The following LHFPL3 variants were observed in gnomAD, a reference collection of about 807,000 sequenced individuals.
The protein encoded by LHFPL3 is LHFPL tetraspan subfamily member 3, also known as LHFPL tetraspan subfamily member 3 protein.
LHFPL3 carries 5 observed loss-of-function variants against 19.3 expected under a neutral mutation model. The ratio of observed to expected loss-of-function variants is 0.26; its 90% CI spans 0.14 to 0.54. LHFPL3 has a LOEUF of 0.54. LHFPL3 is among the 20% of genes least tolerant of loss of function. The pLI, the probability that LHFPL3 is intolerant of heterozygous loss-of-function variation, is 0.94. For missense variants in LHFPL3, 249 were observed against 307.4 expected (o/e 0.81, Z 1.42); for synonymous variants, 133 against 126.2 (o/e 1.05, Z -0.36).
intron 1 of LHFPL3, among the ~76,000 whole-genome samples, chr7:104,736,392 C>T (rs1230719419): frequency 6.6e-6 from 1 of 152,062 alleles, no homozygotes; most frequent in Non-Finnish European, 1.5e-5. Context: ...TTTTCTTAAC[C>T]TCTTTCGGGA....
At chr7:104,553,153 A>G (rs75985007) in intron 1 of LHFPL3, among the ~76,000 whole-genome samples, 6,772 of 152,128 alleles carry the variant, frequency 0.045, 462 homozygotes, top group African/African-American at 0.15. Flanking sequence ...TGTTATTTTG[A>G]TCTTGAATCT....
chr7:104,393,871 C>A (rs575288168), intron 1 of LHFPL3, among the ~76,000 whole-genome samples: 4 of 152,034 alleles, frequency 2.6e-5, no homozygotes, highest in Admixed American at 2.6e-4. Flanking sequence ...TGGTATGATT[C>A]CATGTGTATG....
At chr7:104,720,941 G>A (rs914675255) in intron 1 of LHFPL3, among the ~76,000 whole-genome samples, 2 of 152,196 alleles carry the variant, frequency 1.3e-5, no homozygotes, top group Non-Finnish European at 2.9e-5. Context: ...CTGTTGGTGG[G>A]AGTGTAAATT....
chr7:104,669,357 A>G lies in LHFPL3; in HGVS notation c.446-67318A>G. 3.7e-6 allele frequency: 6 copies of G among 1,613,648 alleles called. No homozygotes were observed. In the South Asian group the frequency reaches 4.4e-5, roughly 12 times the overall value. On this transcript the variant is annotated intron_variant, in intron 1 of 2. Transcript: ENST00000424859. ...ATGGGATGAATGTCCCAAAAGGCCA[A>G]ACTGGGAACTCTAGCCGTGGTCCAG...
chr7:104,455,663 G>A (rs1309949754), intron 1 of LHFPL3, among the ~76,000 whole-genome samples: 1 of 152,198 alleles, frequency 6.6e-6, no homozygotes, highest in Non-Finnish European at 1.5e-5. Flanking sequence ...TGAGGTTGCA[G>A]TGAGCCAAGA....
At chr7:104,402,221 A>AACAAAAGT (rs1791327622) in intron 1 of LHFPL3, among the ~76,000 whole-genome samples, 1 of 152,242 alleles carries the variant, frequency 6.6e-6, no homozygotes. Context: ...AAACACATAA[A>AACAAAAGT]ACAAAAGTAT....
At chr7:104,782,363 C>T (rs571699220) in intron 2 of LHFPL3, among the ~76,000 whole-genome samples, 98 of 152,326 alleles carry the variant, frequency 6.4e-4, no homozygotes, top group African/African-American at 2.1e-3. Flanking sequence ...TCATTACTTC[C>T]GCCTTATTCC....
chr7:104,840,796 AC>A (rs1249375621), intron 2 of LHFPL3, among the ~76,000 whole-genome samples: 1 of 152,146 alleles, frequency 6.6e-6, no homozygotes, highest in Non-Finnish European at 1.5e-5. Flanking sequence ...AGTGAAAATC[AC>A]CCAAATAAAA....
intron 1 of LHFPL3, among the ~76,000 whole-genome samples, chr7:104,693,817 G>A (rs1234153590): frequency 6.8e-6 from 1 of 146,316 alleles, no homozygotes; most frequent in Non-Finnish European, 1.5e-5. Context: ...ATTTTTAGTA[G>A]AGATGGGGTT....
intron 2 of LHFPL3, among the ~76,000 whole-genome samples, chr7:104,861,595 C>T (rs555811802): frequency 4.6e-5 from 7 of 152,150 alleles, no homozygotes; most frequent in Non-Finnish European, 1.0e-4. Flanking sequence ...GCTGTCTGTA[C>T]CTGTGGCTAG....
intron 2 of LHFPL3, among the ~76,000 whole-genome samples, chr7:104,865,020 T>A (rs2116645015): frequency 6.6e-6 from 1 of 150,732 alleles, no homozygotes; most frequent in Non-Finnish European, 1.5e-5. Context: ...GGGTCCTGAC[T>A]GTTAGAAGGA....
rs568171143 is a variant in LHFPL3, at chr7:104,357,283, C to CT, written c.445+28062dup. On this transcript the variant is annotated intron_variant, in intron 1 of 2. Coordinates refer to ENST00000424859, the MANE Select transcript of LHFPL3 (RefSeq NM_199000.3). ...GATTATTCTCAGAGCTAGAGATCAC[C>CT]TTTGCTTCCTTGACAAGTCACGTGC... 9.9e-5 allele frequency among the ~76,000 whole-genome samples: 15 copies of CT among 152,280 alleles called. No individual in the cohort carries two copies. The South Asian group carries it at 2.3e-3, about 23-fold the overall frequency.
intron 1 of LHFPL3, among the ~76,000 whole-genome samples, chr7:104,617,651 AAAT>A (rs1206256444): frequency 6.6e-6 from 1 of 152,238 alleles, no homozygotes; most frequent in Non-Finnish European, 1.5e-5. Context: ...AGTTGTCAAC[AAAT>A]AATTAGATGC....
chr7:104,760,050 A>G (rs1794347951), intron 2 of LHFPL3, among the ~76,000 whole-genome samples: 1 of 152,154 alleles, frequency 6.6e-6, no homozygotes, highest in Non-Finnish European at 1.5e-5. Context: ...AGAGCTTACT[A>G]TTAAAGTACT....
At chr7:104,830,500 A>G (rs1790929469) in intron 2 of LHFPL3, among the ~76,000 whole-genome samples, 1 of 151,776 alleles carries the variant, frequency 6.6e-6, no homozygotes, top group African/African-American at 2.4e-5. Context: ...ATCTTGAATT[A>G]ATTTTTGTAT....
At chr7:104,455,028 G>T (rs954051336) in intron 1 of LHFPL3, among the ~76,000 whole-genome samples, 1 of 152,082 alleles carries the variant, frequency 6.6e-6, no homozygotes, top group East Asian at 1.9e-4. Flanking sequence ...CCTCCTTATT[G>T]TGCCTGTCAT....
chr7:104,760,668 A>G (rs1302754706), intron 2 of LHFPL3, among the ~76,000 whole-genome samples: 1 of 152,176 alleles, frequency 6.6e-6, no homozygotes, highest in African/African-American at 2.4e-5. Context: ...ATTTAGAAAG[A>G]TCCTGAGTCT....
intron 2 of LHFPL3, 89 bp from the exon 3 acceptor site, chr7:104,906,098 T>C (rs1792595069): frequency 2.4e-6 from 3 of 1,255,622 alleles, no homozygotes; most frequent in Non-Finnish European, 3.4e-6. Flanking sequence ...CCGTGACAAA[T>C]ATTATGCACA....
At chr7:104,747,816 A>G (rs1004439157) in intron 2 of LHFPL3, among the ~76,000 whole-genome samples, 2 of 152,208 alleles carry the variant, frequency 1.3e-5, no homozygotes, top group African/African-American at 4.8e-5. Flanking sequence ...TAAGAGCATA[A>G]TATTTACTTG....
Sources: allele counts gnomAD v4.1 joint callset (sites outside exome capture counted in the v4.1 genomes callset), GRCh38; gene constraint gnomAD v4.1.1; transcripts MANE v1.5; gene names NCBI Gene and HGNC (gene_info 2026-07-23, HGNC 2026-07-21).